The following SLC2A13 variants were observed in gnomAD, a reference collection of about 807,000 sequenced individuals.
SLC2A13 encodes the protein solute carrier family 2 member 13.
A neutral mutation model predicts 64.4 loss-of-function variants in SLC2A13; 32 were observed. The observed-to-expected ratio is 0.50, with a 90% CI of 0.37 to 0.67. SLC2A13 has a LOEUF of 0.67. Ranked by LOEUF, SLC2A13 falls within the 30% of genes least tolerant of loss-of-function variation. The pLI is 0.00. For missense variants in SLC2A13, 743 were observed against 829.2 expected (o/e 0.90, Z 1.28); for synonymous variants, 338 against 327.1 (o/e 1.03, Z -0.36).
chr12:40,006,315 G>C (rs1312142059), intron 3 of SLC2A13, among the ~76,000 whole-genome samples: 1 of 152,152 alleles, frequency 6.6e-6, no homozygotes, highest in Non-Finnish European at 1.5e-5. Context: ...CTGGGCAAGA[G>C]ATTTGCCTCT....
chr12:39,999,328 T>C (rs1237008305), intron 3 of SLC2A13, among the ~76,000 whole-genome samples: 1 of 152,202 alleles, frequency 6.6e-6, no homozygotes, highest in Non-Finnish European at 1.5e-5. Context: ...ATATTTTTCT[T>C]CTTGCAGAGA....
At chr12:39,782,047 G>A (rs574732042) in intron 7 of SLC2A13, among the ~76,000 whole-genome samples, 2 of 152,214 alleles carry the variant, frequency 1.3e-5, no homozygotes, top group Non-Finnish European at 2.9e-5. Flanking sequence ...CTTGTACTTG[G>A]TGGGGTCGAG....
intron 4 of SLC2A13, among the ~76,000 whole-genome samples, chr12:39,881,395 T>C (rs1944332654): frequency 6.6e-6 from 1 of 152,124 alleles, no homozygotes; most frequent in Non-Finnish European, 1.5e-5. Flanking sequence ...AGAAATAAAA[T>C]GTTTAAGGTA....
intron 7 of SLC2A13, among the ~76,000 whole-genome samples, chr12:39,789,064 G>T (rs1566790719): frequency 6.6e-6 from 1 of 151,988 alleles, no homozygotes; most frequent in East Asian, 1.9e-4. Context: ...TTTAAAGAAT[G>T]ATAATAAGAT....
At chr12:39,843,537 TAGAG>T (rs1297781958) in intron 6 of SLC2A13, among the ~76,000 whole-genome samples, 1 of 152,104 alleles carries the variant, frequency 6.6e-6, no homozygotes, top group Non-Finnish European at 1.5e-5. Context: ...TCAAGGTAGA[TAGAG>T]AATTATAATA....
intron 3 of SLC2A13, among the ~76,000 whole-genome samples, chr12:39,982,531 C>G (rs1946927366): frequency 1.3e-5 from 2 of 151,142 alleles, no homozygotes; most frequent in African/African-American, 4.8e-5. Context: ...TATACACCAA[C>G]AACAGACAAA....
chr12:39,856,489 C>T (rs1943611376), intron 6 of SLC2A13, among the ~76,000 whole-genome samples: 2 of 152,176 alleles, frequency 1.3e-5, no homozygotes, highest in African/African-American at 4.8e-5. Flanking sequence ...CTGCCTCAGC[C>T]TCCCTAGTAG....
chr12:40,013,902 G>C (rs537540307), intron 3 of SLC2A13, among the ~76,000 whole-genome samples: 19 of 152,286 alleles, frequency 1.2e-4, no homozygotes, highest in African/African-American at 4.3e-4. Flanking sequence ...TTGTGTAACT[G>C]ATGAGACTCA....
intron 7 of SLC2A13, among the ~76,000 whole-genome samples, chr12:39,823,316 C>A (rs1430762593): frequency 1.1e-4 from 17 of 152,032 alleles, no homozygotes; most frequent in Non-Finnish European, 2.5e-4. Context: ...TTTTTCTATC[C>A]CTTATGTGAC....
chr12:39,978,643 A>T (rs11174564), intron 3 of SLC2A13, among the ~76,000 whole-genome samples: 50,201 of 151,856 alleles, frequency 0.33, 8,491 homozygotes, highest in East Asian at 0.45. Context: ...ACCACGCGAC[A>T]ATATCCCACA....
intron 9 of SLC2A13, among the ~76,000 whole-genome samples, chr12:39,762,550 A>G (rs1940194988): frequency 6.6e-6 from 1 of 152,054 alleles, no homozygotes; most frequent in African/African-American, 2.4e-5. Flanking sequence ...TGGGGGCACA[A>G]GGCAGACCTG....
intron 1 of SLC2A13, among the ~76,000 whole-genome samples, chr12:40,056,080 A>C (rs1166526770): frequency 6.6e-6 from 1 of 151,870 alleles, no homozygotes; most frequent in Non-Finnish European, 1.5e-5. Context: ...CTGGTTTGGC[A>C]CCCTTATAGT....
chr12:39,961,821 CAG>C (rs1946419404), intron 3 of SLC2A13, among the ~76,000 whole-genome samples: 1 of 151,354 alleles, frequency 6.6e-6, no homozygotes, highest in Admixed American at 6.6e-5. Flanking sequence ...TTTTATGAGA[CAG>C]AGTCTCACTC....
At chr12:40,027,998 C>A (rs1947844332) in intron 3 of SLC2A13, among the ~76,000 whole-genome samples, 1 of 152,122 alleles carries the variant, frequency 6.6e-6, no homozygotes, top group African/African-American at 2.4e-5. Context: ...TAAACTAGTA[C>A]ATGAGGTACT....
At chr12:39,797,740 A>ACACACG (rs1555237484) in intron 7 of SLC2A13, among the ~76,000 whole-genome samples, 24 of 131,456 alleles carry the variant, frequency 1.8e-4, no homozygotes, top group Non-Finnish European at 2.4e-4. Context: ...ACACACACAC[A>ACACACG]CACACACACA....
rs1207255736 is a variant in SLC2A13 at position 40,048,062 on chromosome 12, C to G, written c.705G>C (p.Lys235Asn). The G allele has an allele frequency of 3.1e-6, 5 of 1,605,050 alleles. No individual in the cohort carries two copies. In the African/African-American group the frequency reaches 6.7e-5, roughly 22 times the overall value. The change falls in exon 2 of 10, where the codon AAG (lysine) becomes AAC (asparagine). Residue 235 changes from lysine (K) to asparagine (N), a missense_variant. Coordinates refer to ENST00000280871, the MANE Select transcript of SLC2A13 (RefSeq NM_052885.4). ...AAGTATTTACAAACCTCCATCCATC[C>G]TTCTGGAGATAACTGAAGGCTCCAT... is the stretch of plus-strand genomic sequence containing the variant. Reference protein sequence around the residue: ...VVDGAFSYLQKDGWRYMLGLA... With the variant: ...VVDGAFSYLQNDGWRYMLGLA...
intron 3 of SLC2A13, among the ~76,000 whole-genome samples, chr12:40,000,874 T>C (rs1174438065): frequency 6.6e-6 from 1 of 152,140 alleles, no homozygotes; most frequent in Non-Finnish European, 1.5e-5. Context: ...CACAATTTAT[T>C]ACATGAAGCC....
intron 7 of SLC2A13, among the ~76,000 whole-genome samples, chr12:39,776,534 A>G (rs902074823): frequency 1.3e-5 from 2 of 152,236 alleles, no homozygotes; most frequent in African/African-American, 4.8e-5. Flanking sequence ...GAAAGAGGAT[A>G]GAGTGACACA....
At chr12:39,863,337 G>A (rs1943813049) in intron 6 of SLC2A13, among the ~76,000 whole-genome samples, 1 of 152,074 alleles carries the variant, frequency 6.6e-6, no homozygotes, top group South Asian at 2.1e-4. Context: ...ATTTCATTAT[G>A]TAAATCACTA....
Sources: allele counts gnomAD v4.1 joint callset (sites outside exome capture counted in the v4.1 genomes callset), GRCh38; gene constraint gnomAD v4.1.1; transcripts MANE v1.5; gene names NCBI Gene and HGNC (gene_info 2026-07-23, HGNC 2026-07-21).